SOX5: variants seen among roughly 807,000 people sequenced by gnomAD.
The protein encoded by SOX5 is SRY-box transcription factor 5, also known as transcription factor SOX-5.
SOX5 carries 9 observed loss-of-function variants against 92.0 expected under a neutral mutation model. The ratio of observed to expected loss-of-function variants is 0.10; its 90% CI spans 0.06 to 0.17. The LOEUF (loss-of-function observed/expected upper bound fraction) is 0.17, where lower values mean the gene tolerates loss of function less well. SOX5 is among the 10% of genes least tolerant of loss of function. The probability of loss-of-function intolerance (pLI) is 1.00; values close to 1 mark genes in which losing one functional copy is unlikely to be tolerated. For missense variants in SOX5, 642 were observed against 944.5 expected (o/e 0.68, Z 4.20); for synonymous variants, 344 against 336.3 (o/e 1.02, Z -0.25).
At chr12:24,007,146 T>A (rs1417611718) in intron 4 of SOX5, among the ~76,000 whole-genome samples, 75 of 84,214 alleles carry the variant, frequency 8.9e-4, no homozygotes, top group Non-Finnish European at 1.6e-3. Flanking sequence ...AAAAAATATA[T>A]ATATATATAT....
chr12:23,545,563 A>G (rs1942965670), intron 12 of SOX5, among the ~76,000 whole-genome samples: 1 of 152,124 alleles, frequency 6.6e-6, no homozygotes, highest in Admixed American at 6.5e-5. Flanking sequence ...GGTTATAGAG[A>G]GTGGGCCCGA....
intron 4 of SOX5, among the ~76,000 whole-genome samples, chr12:24,117,572 T>C (rs1031998818): frequency 1.3e-5 from 2 of 152,162 alleles, no homozygotes; most frequent in African/African-American, 4.8e-5. Flanking sequence ...AACCTAAGTG[T>C]TCATCAGCAA....
chr12:24,110,468 G>C (rs942687389), intron 4 of SOX5, among the ~76,000 whole-genome samples: 3 of 152,220 alleles, frequency 2.0e-5, no homozygotes, highest in Non-Finnish European at 4.4e-5. Flanking sequence ...TCTGGGAAGA[G>C]ACAATAACAA....
At chr12:23,849,870 T>A (rs2096612567) in intron 2 of SOX5, among the ~76,000 whole-genome samples, 1 of 152,158 alleles carries the variant, frequency 6.6e-6, no homozygotes, top group Admixed American at 6.5e-5. Flanking sequence ...TACTCAGTAG[T>A]CTATGTTTTT....
intron 12 of SOX5, among the ~76,000 whole-genome samples, chr12:23,544,445 T>G (rs1421493668): frequency 1.3e-5 from 2 of 152,114 alleles, no homozygotes; most frequent in Non-Finnish European, 2.9e-5. Context: ...TTGTAGAGAC[T>G]GTATTATCAA....
intron 1 of SOX5, among the ~76,000 whole-genome samples, chr12:24,428,711 T>C (rs12829183): frequency 2.3e-5 from 2 of 85,408 alleles, no homozygotes; most frequent in Non-Finnish European, 4.3e-5. Flanking sequence ...GGCAACAGAG[T>C]GAGACTCTGT....
chr12:23,975,378 G>C (rs1016603625), intron 4 of SOX5, among the ~76,000 whole-genome samples: 1 of 151,928 alleles, frequency 6.6e-6, no homozygotes, highest in African/African-American at 2.4e-5. Flanking sequence ...AAGCGTGAAA[G>C]TAATACAAAA....
chr12:24,148,324 G>A (rs371940674), intron 4 of SOX5, among the ~76,000 whole-genome samples: 181 of 151,816 alleles, frequency 1.2e-3, no homozygotes, highest in African/African-American at 4.3e-3. Context: ...GTGAAACCCC[G>A]TCTCTATTAA....
At chr12:23,649,303 G>T (rs1249089825) in intron 7 of SOX5, among the ~76,000 whole-genome samples, 1 of 151,872 alleles carries the variant, frequency 6.6e-6, no homozygotes, top group Non-Finnish European at 1.5e-5. Context: ...AGTTTTTATT[G>T]AAGTAAATAC....
At chr12:24,153,890 C>A (rs1489689671) in intron 4 of SOX5, among the ~76,000 whole-genome samples, 1 of 152,088 alleles carries the variant, frequency 6.6e-6, no homozygotes, top group Non-Finnish European at 1.5e-5. Context: ...CGCACACAGA[C>A]AAACCCCACT....
At chr12:23,593,051 C>T (rs1462033814) in intron 9 of SOX5, among the ~76,000 whole-genome samples, 1 of 150,726 alleles carries the variant, frequency 6.6e-6, no homozygotes, top group Non-Finnish European at 1.5e-5. Context: ...TGCACTCCAG[C>T]CTGGGCAATG....
intron 10 of SOX5, among the ~76,000 whole-genome samples, chr12:23,567,345 G>A (rs1233940383): frequency 2.0e-5 from 3 of 151,980 alleles, no homozygotes; most frequent in African/African-American, 7.3e-5. Flanking sequence ...GATGGCAAAG[G>A]TCAATATAAC....
At chr12:24,366,802 G>A (rs567717569) in intron 2 of SOX5, among the ~76,000 whole-genome samples, 9 of 151,958 alleles carry the variant, frequency 5.9e-5, no homozygotes, top group East Asian at 1.9e-4. Context: ...ATCACATGCC[G>A]TATGATGTTC....
At chr12:24,225,240 C>T (rs1051940598) in intron 3 of SOX5, among the ~76,000 whole-genome samples, 1 of 152,088 alleles carries the variant, frequency 6.6e-6, no homozygotes, top group African/African-American at 2.4e-5. Context: ...TATACCTAAC[C>T]CATCACCAAA....
intron 1 of SOX5, among the ~76,000 whole-genome samples, chr12:24,561,785 C>T (rs1954376104): frequency 1.1e-5 from 1 of 89,048 alleles, no homozygotes; most frequent in Admixed American, 1.5e-4. Flanking sequence ...ACGAAAGAGT[C>T]GGGAGGTGGG....
At chr12:23,556,927 C>G (rs1945278183) in intron 11 of SOX5, among the ~76,000 whole-genome samples, 3 of 152,190 alleles carry the variant, frequency 2.0e-5, no homozygotes, top group Admixed American at 1.3e-4. Flanking sequence ...AGCGAAGCAT[C>G]AGGAAAGAAT....
chr12:24,510,843 G>A (rs1949239374), intron 1 of SOX5, among the ~76,000 whole-genome samples: 1 of 152,182 alleles, frequency 6.6e-6, no homozygotes, highest in Non-Finnish European at 1.5e-5. Flanking sequence ...TCACGAGCTG[G>A]CCCCCAGGAT....
intron 7 of SOX5, among the ~76,000 whole-genome samples, chr12:23,648,874 T>G (rs1246392433): frequency 6.6e-6 from 1 of 152,202 alleles, no homozygotes; most frequent in Non-Finnish European, 1.5e-5. Context: ...AAAAGACTAC[T>G]ACAGTTATTA....
intron 1 of SOX5, among the ~76,000 whole-genome samples, chr12:24,535,869 C>A (rs188308401): frequency 8.5e-5 from 13 of 152,224 alleles, no homozygotes; most frequent in African/African-American, 2.6e-4. Flanking sequence ...CCACTATAAG[C>A]GGCTGACAAT....
Sources: allele counts gnomAD v4.1 joint callset (sites outside exome capture counted in the v4.1 genomes callset), GRCh38; gene constraint gnomAD v4.1.1; transcripts MANE v1.5; gene names NCBI Gene and HGNC (gene_info 2026-07-23, HGNC 2026-07-21).